Variants in MOB1B observed in about 807,000 individuals in gnomAD.
The protein encoded by MOB1B is MOB1 Mps One Binder homolog B.
In MOB1B, 19 loss-of-function variants were observed where a neutral mutation model predicts 24.4. The ratio of observed to expected loss-of-function variants is 0.78; its 90% CI spans 0.54 to 1.14. The LOEUF is 1.14. Among genes scored for constraint, MOB1B ranks in the 50% most tolerant of loss-of-function variants. The pLI is 0.00. For missense variants in MOB1B, 243 were observed against 259.6 expected (o/e 0.94, Z 0.44); for synonymous variants, 76 against 82.1 (o/e 0.93, Z 0.40).
intron 1 of MOB1B, among the ~76,000 whole-genome samples, chr4:70,945,491 G>T (rs1578376266): frequency 6.6e-6 from 1 of 152,176 alleles, no homozygotes; most frequent in Non-Finnish European, 1.5e-5. Context: ...TATTCTGCAT[G>T]CATACTCTGT....
chr4:70,923,962 ACTC>A, intron 1 of MOB1B, among the ~76,000 whole-genome samples: 1 of 21,094 alleles, frequency 4.7e-5, no homozygotes, highest in African/African-American at 1.7e-4. Flanking sequence ...AAAAAATTAG[ACTC>A]AAAAAAAAAA....
In MOB1B at chr4:70,936,496, C is replaced by T. The variant is rs147168487; in HGVS notation, c.15-22378C>T. ...CACTGGCATCACAGGCATGAGGCAC[C>T]GTGCCTGGCTCATTCGATCTTTTTG... is the stretch of plus-strand genomic sequence containing the variant. On this transcript the variant is annotated intron_variant, in intron 1 of 5. Coordinates refer to ENST00000309395, the MANE Select transcript of MOB1B (RefSeq NM_173468.4). 4.2e-3 allele frequency among the ~76,000 whole-genome samples: 632 copies of T among 152,246 alleles called. 3 individuals are homozygous for T. Among genetic ancestry groups the T allele is most frequent in the Non-Finnish European group, 7.1e-3 (486 of 68,018 alleles).
chr4:70,942,239 A>G (rs138681920), intron 1 of MOB1B, among the ~76,000 whole-genome samples: 169 of 152,268 alleles, frequency 1.1e-3, no homozygotes, highest in African/African-American at 4.0e-3. Context: ...TTGTGTACAT[A>G]TTACCAATAT....
chr4:70,960,085 T>C (rs1738243103), intron 2 of MOB1B, among the ~76,000 whole-genome samples: 1 of 152,114 alleles, frequency 6.6e-6, no homozygotes, highest in Admixed American at 6.6e-5. Flanking sequence ...GATTTCACCA[T>C]GTTGGTCAGG....
At chr4:70,908,580 C>G (rs908642935) in intron 1 of MOB1B, among the ~76,000 whole-genome samples, 2 of 151,050 alleles carry the variant, frequency 1.3e-5, no homozygotes, top group Admixed American at 6.6e-5. Flanking sequence ...TGAGACCAGC[C>G]TGGCCAACAT....
At chr4:70,915,735 C>CTT (rs376259386) in intron 1 of MOB1B, among the ~76,000 whole-genome samples, 2 of 144,954 alleles carry the variant, frequency 1.4e-5, no homozygotes, top group Non-Finnish European at 3.0e-5. Context: ...GACCGTTGGT[C>CTT]TTTTTTTTTT....
chr4:70,968,039 A>G (rs1738606818), intron 2 of MOB1B, among the ~76,000 whole-genome samples: 1 of 152,098 alleles, frequency 6.6e-6, no homozygotes, highest in Non-Finnish European at 1.5e-5. Context: ...TAGTGATGGG[A>G]TTTTACTGTG....
intron 1 of MOB1B, 67 bp downstream of exon 1, chr4:70,902,617 C>CCGCCCGT (rs1400998127): frequency 1.4e-4 from 201 of 1,422,192 alleles, no homozygotes; most frequent in Admixed American, 4.9e-4. Context: ...CCGCCGCCCG[C>CCGCCCGT]CGCCCGTCGC....
intron 2 of MOB1B, among the ~76,000 whole-genome samples, chr4:70,962,574 C>T (rs528140321): frequency 2.0e-5 from 3 of 151,620 alleles, no homozygotes; most frequent in Admixed American, 2.0e-4. Context: ...AAATACAACA[C>T]AATACTATAA....
chr4:70,903,468 G>A (rs1170943922), intron 1 of MOB1B, among the ~76,000 whole-genome samples: 2 of 152,164 alleles, frequency 1.3e-5, no homozygotes, highest in Non-Finnish European at 2.9e-5. Flanking sequence ...CAGGTCCTCT[G>A]AAAACAGGGG....
chr4:70,949,022 G>A (rs1737691599), intron 1 of MOB1B, among the ~76,000 whole-genome samples: 1 of 152,092 alleles, frequency 6.6e-6, no homozygotes, highest in South Asian at 2.1e-4. Flanking sequence ...TCCCCTCAGG[G>A]TCCTCTCCCG....
rs952006020 is a variant in MOB1B, at chr4:70,958,964, A to G, written c.105A>G (p.Thr35=). ...QYELLKHAEA[T]LGSGNLRMAV... ...AGCTCTTAAAACACGCAGAAGCCAC[A>G]CTTGGCAGTGGCAACCTTCGGATGG... Residue 35 remains threonine (T), a synonymous_variant, in exon 2 of 6, where the codon ACA becomes ACG. Coordinates refer to ENST00000309395, the MANE Select transcript of MOB1B (RefSeq NM_173468.4). The G allele has an allele frequency of 9.3e-6, 15 of 1,614,060 alleles. No individual in the cohort carries two copies. The highest frequency in any genetic ancestry group is 1.3e-5 in the African/African-American group (1 of 74,924).
intron 1 of MOB1B, among the ~76,000 whole-genome samples, chr4:70,928,816 A>G (rs1388892686): frequency 2.0e-5 from 3 of 152,170 alleles, no homozygotes; most frequent in Non-Finnish European, 4.4e-5. Context: ...TTGAACTCCT[A>G]GGTTCAAGTG....
chr4:70,940,922 C>T (rs564737442), intron 1 of MOB1B, among the ~76,000 whole-genome samples: 2 of 152,274 alleles, frequency 1.3e-5, no homozygotes, highest in South Asian at 2.1e-4. Context: ...ATCCGCCCGC[C>T]TCGGCCTCTC....
chr4:70,951,907 T>A (rs928184941), intron 1 of MOB1B, among the ~76,000 whole-genome samples: 4 of 152,232 alleles, frequency 2.6e-5, no homozygotes, highest in Non-Finnish European at 5.9e-5. Flanking sequence ...TCCATAGTTA[T>A]GATGCTGTGT....
At chr4:70,940,706 C>T (rs1331679958) in intron 1 of MOB1B, among the ~76,000 whole-genome samples, 22 of 139,894 alleles carry the variant, frequency 1.6e-4, no homozygotes, top group African/African-American at 5.7e-4. Context: ...GACAGAGTTT[C>T]GCTCTGGTTG....
At chr4:70,923,965 CAA>C (rs5859245) in intron 1 of MOB1B, among the ~76,000 whole-genome samples, 10 of 127,832 alleles carry the variant, frequency 7.8e-5, no homozygotes, top group African/African-American at 2.7e-4. Flanking sequence ...AAATTAGACT[CAA>C]AAAAAAAAAA....
upstream of MOB1B, chr4:70,902,321 G>A: frequency 1.6e-6 from 1 of 642,370 alleles, no homozygotes; most frequent in South Asian, 1.7e-5. Flanking sequence ...CCCCTCCCCT[G>A]GAGTGATTCA....
Position 70,950,604 on chromosome 4 carries a change from G to A in MOB1B, c.15-8270G>A, listed in dbSNP as rs1737762823. The A allele has an allele frequency of 5.6e-6, 3 of 534,230 alleles. No individual in the cohort carries two copies. The South Asian group carries it at 7.4e-5, about 13-fold the overall frequency. 33.1% of individuals were successfully genotyped at this position (534,230 alleles called of 1,614,324 possible). On this transcript the variant is annotated intron_variant, in intron 1 of 5. Coordinates refer to ENST00000309395, the MANE Select transcript of MOB1B (RefSeq NM_173468.4). ...AATAGCTTGTATATCAGAGTTACTAGGATTAAATGAGATATATTGCATGTA... is the reference window on the plus strand; with the variant it reads ...AATAGCTTGTATATCAGAGTTACTAAGATTAAATGAGATATATTGCATGTA...
Sources: allele counts gnomAD v4.1 joint callset (sites outside exome capture counted in the v4.1 genomes callset), GRCh38; gene constraint gnomAD v4.1.1; transcripts MANE v1.5; gene names NCBI Gene and HGNC (gene_info 2026-07-23, HGNC 2026-07-21).